Variants in PAPPA observed in about 807,000 individuals in gnomAD.
PAPPA encodes the protein pappalysin 1, also known as pappalysin-1.
A neutral mutation model predicts 164.0 loss-of-function variants in PAPPA; 60 were observed. That is an observed-to-expected ratio of 0.37 (90% confidence interval 0.30 to 0.45). The LOEUF (loss-of-function observed/expected upper bound fraction) is 0.45. PAPPA is among the 20% of genes least tolerant of loss of function. The pLI is 1.00. For synonymous variants in PAPPA, 875 were observed against 814.1 expected (o/e 1.07, Z -1.27); for missense variants, 1,782 against 2,087.3 (o/e 0.85, Z 2.85).
At chr9:116,173,704 C>T (rs1440271810) in intron 1 of PAPPA, among the ~76,000 whole-genome samples, 1 of 152,168 alleles carries the variant, frequency 6.6e-6, no homozygotes, top group Non-Finnish European at 1.5e-5. Context: ...GATGATTCAC[C>T]TTGTGCTAGA....
chr9:116,273,804 C>T lies in PAPPA; in HGVS notation c.2953+2388C>T, dbSNP rs556736621. Among the ~76,000 whole-genome samples the T allele has an allele frequency of 2.6e-5, 4 of 152,136 alleles. No individual in the cohort carries two copies. In the South Asian group the frequency reaches 8.3e-4, roughly 32 times the overall value. Reference sequence around the variant, plus strand: ...AAAATAAAAAAGATGAGGGAGTTTCCAAGAGGATGAGACTGAGATCCTCCT... The same window carrying T: ...AAAATAAAAAAGATGAGGGAGTTTCTAAGAGGATGAGACTGAGATCCTCCT... On this transcript the variant is annotated intron_variant, in intron 9 of 21. Transcript: ENST00000328252.
At chr9:116,247,188 A>G (rs1036140803) in intron 7 of PAPPA, among the ~76,000 whole-genome samples, 8 of 152,148 alleles carry the variant, frequency 5.3e-5, no homozygotes, top group African/African-American at 1.9e-4. Flanking sequence ...ATTTCTATAG[A>G]TGTCTATGGA....
At chr9:116,266,803 G>C (rs1256279557) in intron 8 of PAPPA, among the ~76,000 whole-genome samples, 2 of 152,156 alleles carry the variant, frequency 1.3e-5, no homozygotes, top group African/African-American at 2.4e-5. Flanking sequence ...TGTCTCTAGA[G>C]GTGGAAAAGA....
chr9:116,340,502 C>T (rs2118967963), intron 13 of PAPPA, among the ~76,000 whole-genome samples: 1 of 152,370 alleles, frequency 6.6e-6, no homozygotes, highest in East Asian at 1.9e-4. Flanking sequence ...ACTAATATCA[C>T]TACCTCAAGG....
At position 116,334,951 on chromosome 9, in the gene PAPPA, G is replaced by A. The variant is rs138956040; in HGVS notation, c.3488G>A (p.Arg1163His). The A allele has an allele frequency of 1.1e-4, 172 of 1,613,552 alleles. No homozygotes were observed. In the East Asian group the frequency reaches 1.8e-3, roughly 17 times the overall value. The change falls in exon 13 of 22, where the codon CGT becomes CAT. Residue 1163 changes from arginine to histidine, a missense_variant. By Grantham distance (29) the Arg-to-His change is conservative. Coordinates refer to ENST00000328252, the MANE Select transcript of PAPPA (RefSeq NM_002581.5). ...SQPFYHSQAVRVSFSSPLVAI... is the reference protein window; with the variant it reads ...SQPFYHSQAVHVSFSSPLVAI... Reference sequence around the variant, plus strand: ...CCCTTCTACCACAGCCAGGCGGTACGTGTGAGCTTCAGTTCGCCCCTGGTC... The same window carrying A: ...CCCTTCTACCACAGCCAGGCGGTACATGTGAGCTTCAGTTCGCCCCTGGTC...
chr9:116,379,976 A>G (rs1432099248), intron 20 of PAPPA, among the ~76,000 whole-genome samples: 1 of 152,080 alleles, frequency 6.6e-6, no homozygotes, highest in Admixed American at 6.5e-5. Flanking sequence ...CTCCACCCCC[A>G]CCTAATTAAC....
intron 18 of PAPPA, among the ~76,000 whole-genome samples, chr9:116,366,997 C>T (rs2118647496): frequency 6.6e-6 from 1 of 152,310 alleles, no homozygotes; most frequent in African/African-American, 2.4e-5. Flanking sequence ...CCAGTGCTCA[C>T]TGAGCTCTAC....
intron 7 of PAPPA, among the ~76,000 whole-genome samples, chr9:116,259,391 C>T (rs1329037690): frequency 6.6e-6 from 1 of 151,798 alleles, no homozygotes; most frequent in African/African-American, 2.4e-5. Context: ...ATGGTATTTA[C>T]AATGGCTTTA....
At chr9:116,315,384 A>T (rs1281771692) in intron 10 of PAPPA, among the ~76,000 whole-genome samples, 8 of 152,210 alleles carry the variant, frequency 5.3e-5, no homozygotes, top group African/African-American at 1.9e-4. Context: ...GTTGTTTGGT[A>T]ACTGTTTTTG....
intron 18 of PAPPA, among the ~76,000 whole-genome samples, chr9:116,367,177 A>G (rs1846511935): frequency 6.6e-6 from 1 of 152,174 alleles, no homozygotes. Flanking sequence ...ACATTTCAGG[A>G]GATGGGATGA....
intron 4 of PAPPA, among the ~76,000 whole-genome samples, chr9:116,218,993 A>T (rs892819209): frequency 3.3e-5 from 5 of 152,180 alleles, no homozygotes; most frequent in Non-Finnish European, 7.3e-5. Flanking sequence ...TATTTTCAGC[A>T]TGCACACTAC....
At chr9:116,338,437 G>T (rs1846091919) in intron 13 of PAPPA, among the ~76,000 whole-genome samples, 3 of 152,128 alleles carry the variant, frequency 2.0e-5, no homozygotes, top group African/African-American at 7.2e-5. Flanking sequence ...GTTGGTTGGG[G>T]GTGGGGGTGC....
chr9:116,346,544 A>C (rs1008923260), intron 14 of PAPPA, among the ~76,000 whole-genome samples: 1 of 152,162 alleles, frequency 6.6e-6, no homozygotes, highest in Non-Finnish European at 1.5e-5. Context: ...TGTGTGCCAA[A>C]CACTACAACA....
At chr9:116,304,425 TGC>T (rs1845618419) in intron 10 of PAPPA, among the ~76,000 whole-genome samples, 1 of 152,236 alleles carries the variant, frequency 6.6e-6, no homozygotes, top group Non-Finnish European at 1.5e-5. Flanking sequence ...GAAACAACAG[TGC>T]TGGGGCCAGC....
intron 1 of PAPPA, among the ~76,000 whole-genome samples, chr9:116,156,306 GTA>G (rs1037878668): frequency 8.3e-6 from 1 of 121,184 alleles, no homozygotes; most frequent in African/African-American, 3.2e-5. Context: ...ATATATACAT[GTA>G]TATATATGTG....
rs1052845486 is a variant in PAPPA at position 116,401,003 on chromosome 9, A to G, written c.*4387A>G. ...AGGTTTTAGGTGGGCTGTGAGGGCC[A>G]ACGCTTGACACAAAGTCCATGGGTT... On this transcript the variant is annotated 3_prime_UTR_variant, in exon 22 of 22. Coordinates refer to ENST00000328252, the MANE Select transcript of PAPPA (RefSeq NM_002581.5). 1.3e-5 allele frequency: 2 copies of G among 152,600 alleles called. No homozygotes were observed. The highest frequency in any genetic ancestry group is 4.1e-4 in the South Asian group (2 of 4,820). The allele number at this position is 152,600 out of a possible 1,614,324, so 9.5% of individuals were successfully genotyped here. A position where few individuals can be genotyped will look rare whatever the true frequency, so the allele number is the denominator to read the frequency against.
intron 11 of PAPPA, among the ~76,000 whole-genome samples, 176 bp downstream of exon 11, chr9:116,331,533 G>A (rs1481853966): frequency 6.6e-6 from 1 of 152,188 alleles, no homozygotes; most frequent in African/African-American, 2.4e-5. Context: ...AATTGCTCAT[G>A]GAATGCCCCC....
chr9:116,277,710 C>T (rs1845216904), intron 9 of PAPPA, among the ~76,000 whole-genome samples: 1 of 152,152 alleles, frequency 6.6e-6, no homozygotes, highest in African/African-American at 2.4e-5. Context: ...CAGAATCTCA[C>T]TCTGTCACCC....
intron 7 of PAPPA, among the ~76,000 whole-genome samples, chr9:116,240,188 C>A (rs1481430279): frequency 6.6e-6 from 1 of 152,180 alleles, no homozygotes; most frequent in Non-Finnish European, 1.5e-5. Flanking sequence ...CTTCATGCAA[C>A]AAATATTCAC....
Sources: allele counts gnomAD v4.1 joint callset (sites outside exome capture counted in the v4.1 genomes callset), GRCh38; gene constraint gnomAD v4.1.1; transcripts MANE v1.5; gene names NCBI Gene and HGNC (gene_info 2026-07-23, HGNC 2026-07-21).